Variants in ST6GALNAC3 observed in about 807,000 individuals in gnomAD.
ST6GALNAC3 encodes the protein alpha-N-acetylgalactosaminide alpha-2,6-sialyltransferase 3.
ST6GALNAC3 carries 25 observed loss-of-function variants against 32.7 expected under a neutral mutation model. The ratio of observed to expected loss-of-function variants is 0.76; its 90% CI spans 0.56 to 1.07. ST6GALNAC3 has a LOEUF of 1.07. Ranked by LOEUF, ST6GALNAC3 falls within the 50% of genes least tolerant of loss-of-function variation. The pLI is 0.00. For missense variants in ST6GALNAC3, 355 were observed against 382.4 expected (o/e 0.93, Z 0.60); for synonymous variants, 129 against 133.1 (o/e 0.97, Z 0.21).
intron 2 of ST6GALNAC3, 86 bp from the exon 3 acceptor site, chr1:76,411,922 A>C (rs1654265641): frequency 1.4e-6 from 2 of 1,390,660 alleles, no homozygotes; most frequent in South Asian, 2.8e-5. Flanking sequence ...GTAATTATAC[A>C]ATATATGAAC....
rs538919551 is a variant in ST6GALNAC3 at position 76,563,790 on chromosome 1, T to G, written c.624-63662T>G. Among the ~76,000 whole-genome samples, 6 of 152,286 alleles carry G rather than the reference T, an allele frequency of 3.9e-5. No individual in the cohort carries two copies. The East Asian group carries it at 1.2e-3, about 29-fold the overall frequency. On this transcript the variant is annotated intron_variant, in intron 3 of 4. Coordinates refer to ENST00000328299, the MANE Select transcript of ST6GALNAC3 (RefSeq NM_152996.4). Reference sequence around the variant, plus strand: ...CCATAGAAAAATCAAGTAAAGCCCATAGAATAGTTATTAGCCTAGCATATA... The same window carrying G: ...CCATAGAAAAATCAAGTAAAGCCCAGAGAATAGTTATTAGCCTAGCATATA...
chr1:76,623,313 C>A (rs1030167683), intron 3 of ST6GALNAC3, among the ~76,000 whole-genome samples: 1 of 151,858 alleles, frequency 6.6e-6, no homozygotes, highest in Non-Finnish European at 1.5e-5. Flanking sequence ...AGAGCCTGAC[C>A]GGTAAAATCA....
intron 3 of ST6GALNAC3, among the ~76,000 whole-genome samples, chr1:76,418,342 C>T (rs1557870664): frequency 6.6e-6 from 1 of 152,078 alleles, no homozygotes; most frequent in Non-Finnish European, 1.5e-5. Context: ...TCTGTCAACA[C>T]ACAAGGAAGC....
At chr1:76,580,158 G>T (rs952912205) in intron 3 of ST6GALNAC3, among the ~76,000 whole-genome samples, 1 of 151,980 alleles carries the variant, frequency 6.6e-6, no homozygotes, top group Non-Finnish European at 1.5e-5. Flanking sequence ...CTATCATGAA[G>T]AACACATGGA....
At chr1:76,354,214 T>A (rs1320902082) in intron 2 of ST6GALNAC3, 1 of 152,220 alleles carries the variant, frequency 6.6e-6, no homozygotes, top group African/African-American at 2.4e-5. Flanking sequence ...CCCAGTTCAA[T>A]GTTTCAGGGC....
At chr1:76,122,310 A>G (rs72992611) in intron 1 of ST6GALNAC3, among the ~76,000 whole-genome samples, 7,374 of 152,284 alleles carry the variant, frequency 0.048, 614 homozygotes, top group African/African-American at 0.17. Context: ...CGTTATCTTC[A>G]TAGGTGGTTA....
intron 3 of ST6GALNAC3, among the ~76,000 whole-genome samples, chr1:76,543,715 C>T (rs950327745): frequency 3.3e-5 from 5 of 152,168 alleles, no homozygotes; most frequent in African/African-American, 4.8e-5. Flanking sequence ...CTCCCACAGA[C>T]TCACAAAGGC....
chr1:76,623,593 G>A (rs1196739164), intron 3 of ST6GALNAC3, among the ~76,000 whole-genome samples: 1 of 151,928 alleles, frequency 6.6e-6, no homozygotes, highest in Non-Finnish European at 1.5e-5. Context: ...TTATGAGACA[G>A]TATTTGGCCC....
Position 76,074,789 on chromosome 1 carries a change from A to G in ST6GALNAC3, c.-78A>G. On this transcript the variant is annotated 5_prime_UTR_variant, in exon 1 of 5. Transcript: ENST00000328299. ...GCTGGAGAGGTCCTGCCGTGGTACC[A>G]GCCTCCAGCCTGCCCCCAGGACTGC... 1 of 1,511,238 alleles carries G rather than the reference A, an allele frequency of 6.6e-7. No individual in the cohort carries two copies. Among genetic ancestry groups the G allele is most frequent in the Non-Finnish European group, 9.0e-7 (1 of 1,116,278 alleles). The allele number at this position is 1,511,238 out of a possible 1,614,324, so 93.6% of individuals were successfully genotyped here. A position where few individuals can be genotyped will look rare whatever the true frequency, so the allele number is the denominator to read the frequency against.
chr1:76,456,938 G>A (rs1223275829), intron 3 of ST6GALNAC3, among the ~76,000 whole-genome samples: 12 of 152,284 alleles, frequency 7.9e-5, no homozygotes, highest in Non-Finnish European at 1.5e-4. Context: ...CAACATGACT[G>A]TATATCTAGA....
intron 2 of ST6GALNAC3, among the ~76,000 whole-genome samples, chr1:76,387,532 A>G (rs1652194361): frequency 1.3e-5 from 2 of 152,062 alleles, no homozygotes; most frequent in Admixed American, 1.3e-4. Context: ...TTCGTGTTCT[A>G]GTTAGATTTT....
intron 2 of ST6GALNAC3, among the ~76,000 whole-genome samples, chr1:76,354,760 T>TG (rs1020595895): frequency 2.0e-5 from 3 of 152,168 alleles, no homozygotes; most frequent in Admixed American, 6.5e-5. Flanking sequence ...AGTGTTGGTT[T>TG]GGGGGGATGT....
At chr1:76,289,005 A>G (rs1266254852) in intron 1 of ST6GALNAC3, among the ~76,000 whole-genome samples, 6 of 152,218 alleles carry the variant, frequency 3.9e-5, no homozygotes, top group Non-Finnish European at 8.8e-5. Flanking sequence ...ATGCCATTGT[A>G]TATTCACATC....
At position 76,319,000 on chromosome 1, in the gene ST6GALNAC3, A is replaced by G. The variant is rs144918221; in HGVS notation, c.213+5001A>G. ...ATTGTGTTGTCTTTTTTGTTGTGTG[A>G]CCTGGTGTGAAGACATTGCTCAGAG... On this transcript the variant is annotated intron_variant, in intron 2 of 4. Transcript: ENST00000328299. Among the ~76,000 whole-genome samples the G allele has an allele frequency of 7.2e-5, 11 of 152,186 alleles. No homozygotes were observed. In the East Asian group the frequency reaches 2.1e-3, roughly 29 times the overall value.
intron 2 of ST6GALNAC3, among the ~76,000 whole-genome samples, chr1:76,403,802 TAATC>T (rs1371631839): frequency 1.3e-5 from 2 of 152,028 alleles, no homozygotes; most frequent in African/African-American, 2.4e-5. Context: ...GAGAAAAAAA[TAATC>T]AAGAGGTAAG....
At chr1:76,385,287 T>G (rs1408301014) in intron 2 of ST6GALNAC3, among the ~76,000 whole-genome samples, 2 of 152,158 alleles carry the variant, frequency 1.3e-5, no homozygotes, top group Non-Finnish European at 2.9e-5. Context: ...ACTTTTAAAC[T>G]CTATTAACAT....
At chr1:76,363,904 A>G (rs1328486021) in intron 2 of ST6GALNAC3, among the ~76,000 whole-genome samples, 1 of 152,132 alleles carries the variant, frequency 6.6e-6, no homozygotes, top group Non-Finnish European at 1.5e-5. Flanking sequence ...ACCAAGGGGG[A>G]TGGCATTAAA....
rs1321029420 is a variant in ST6GALNAC3, at chr1:76,629,438, T to C, written c.*632T>C. 2.0e-6 allele frequency: 2 copies of C among 985,648 alleles called. No homozygotes were observed. Among genetic ancestry groups the C allele is most frequent in the Non-Finnish European group, 1.2e-6 (1 of 829,836 alleles). The allele number at this position is 985,648 out of a possible 1,614,324, so 61.1% of individuals were successfully genotyped here. A position where few individuals can be genotyped will look rare whatever the true frequency, so the allele number is the denominator to read the frequency against. ...CCTACACTTCAGGATTACTTGACTA[T>C]CTCAAACACATAAATCAAAATGGGC... On this transcript the variant is annotated 3_prime_UTR_variant, in exon 5 of 5. Transcript: ENST00000328299.
At chr1:76,441,201 AATT>A (rs1376295888) in intron 3 of ST6GALNAC3, among the ~76,000 whole-genome samples, 1 of 152,014 alleles carries the variant, frequency 6.6e-6, no homozygotes, top group Non-Finnish European at 1.5e-5. Context: ...GTGTAGTTAT[AATT>A]ATTATTGTAA....
Sources: gnomAD v4.1 joint callset for allele counts (sites outside exome capture counted in the v4.1 genomes callset) on GRCh38, gnomAD v4.1.1 for gene constraint, MANE v1.5 for transcripts, NCBI Gene and HGNC (gene_info 2026-07-23, HGNC 2026-07-21) for gene names.